Variants in ANO6 observed in about 807,000 individuals in gnomAD.
ANO6 encodes the protein anoctamin-6.
In ANO6, 106 loss-of-function variants were observed where a neutral mutation model predicts 117.5. That is an observed-to-expected ratio of 0.90 (90% CI 0.77 to 1.06). ANO6 has a LOEUF of 1.06. Among genes scored for constraint, ANO6 ranks in the 50% least tolerant of loss-of-function variants. ANO6 has a pLI of 0.00. For synonymous variants in ANO6, 367 were observed against 385.1 expected (o/e 0.95, Z 0.55); for missense variants, 955 against 1,121.1 (o/e 0.85, Z 2.12).
chr12:45,402,802 A>G (rs1037496739), intron 13 of ANO6, among the ~76,000 whole-genome samples: 6 of 152,224 alleles, frequency 3.9e-5, no homozygotes, highest in African/African-American at 1.4e-4. Flanking sequence ...CTGGACTTGT[A>G]AATTTTAAGG....
chr12:45,259,827 T>C (rs1592885796), intron 1 of ANO6, among the ~76,000 whole-genome samples: 2 of 152,230 alleles, frequency 1.3e-5, no homozygotes, highest in Non-Finnish European at 2.9e-5. Context: ...CAGGAAAGCA[T>C]GTACAGCAAC....
downstream of ANO6, among the ~76,000 whole-genome samples, chr12:45,433,845 G>C (rs1195088353): frequency 2.0e-5 from 3 of 152,174 alleles, no homozygotes; most frequent in Non-Finnish European, 4.4e-5. Flanking sequence ...GGAAATCCTA[G>C]AATAACCTGC....
chr12:45,218,099 G>T (rs1230457159), intron 1 of ANO6, among the ~76,000 whole-genome samples: 1 of 152,086 alleles, frequency 6.6e-6, no homozygotes, highest in Non-Finnish European at 1.5e-5. Context: ...GTTTTGTCCA[G>T]TCAAACAGTG....
intron 1 of ANO6, among the ~76,000 whole-genome samples, chr12:45,280,856 A>G (rs1262632413): frequency 1.7e-5 from 2 of 119,406 alleles, no homozygotes; most frequent in Non-Finnish European, 3.7e-5. Context: ...AAATTGTATC[A>G]TATATGTGTT....
chr12:45,419,117 A>G (rs1224785135), intron 17 of ANO6, among the ~76,000 whole-genome samples: 1 of 152,218 alleles, frequency 6.6e-6, no homozygotes, highest in Non-Finnish European at 1.5e-5. Context: ...AATAAGCTGA[A>G]TTGACATTGT....
At chr12:45,391,681 A>G (rs1403677336) in intron 12 of ANO6, among the ~76,000 whole-genome samples, 1 of 152,222 alleles carries the variant, frequency 6.6e-6, no homozygotes, top group African/African-American at 2.4e-5. Flanking sequence ...AGCCTGGCCA[A>G]CATGGCGAAA....
rs541545075 is a variant in ANO6, at chr12:45,283,609, C to G, written c.71-18405C>G. On this transcript the variant is annotated intron_variant, in intron 1 of 19. Coordinates refer to ENST00000320560, the MANE Select transcript of ANO6 (RefSeq NM_001025356.3). ...TTCCATGTAATAGCATCTATTTTTT[C>G]TACTCTGTCTACATAATGGGAGCTA... is the stretch of plus-strand genomic sequence containing the variant. 1.2e-4 allele frequency among the ~76,000 whole-genome samples: 19 copies of G among 152,250 alleles called. 1 individual carries two copies. In the East Asian group the frequency reaches 3.1e-3, roughly 25 times the overall value.
chr12:45,216,625 C>G (rs907025169), intron 1 of ANO6, among the ~76,000 whole-genome samples: 1 of 152,206 alleles, frequency 6.6e-6, no homozygotes, highest in Non-Finnish European at 1.5e-5. Context: ...AGGCTCCTGA[C>G]GGGCGGGGGA....
intron 2 of ANO6, among the ~76,000 whole-genome samples, chr12:45,329,017 C>T (rs780694011): frequency 3.3e-5 from 5 of 152,124 alleles, no homozygotes; most frequent in Admixed American, 6.6e-5. Context: ...AAATGACAAC[C>T]GTGTCAGGGG....
At chr12:45,285,677 C>T (rs1483930427) in intron 1 of ANO6, among the ~76,000 whole-genome samples, 2 of 150,282 alleles carry the variant, frequency 1.3e-5, no homozygotes, top group East Asian at 2.0e-4. Flanking sequence ...TGCAGTGAGC[C>T]GAGATCGCGC....
chr12:45,291,175 A>G (rs1004450430), intron 1 of ANO6, among the ~76,000 whole-genome samples: 1 of 152,112 alleles, frequency 6.6e-6, no homozygotes, highest in African/African-American at 2.4e-5. Flanking sequence ...AGCTAAATTC[A>G]TGAAGAAAAC....
At chr12:45,277,138 C>G (rs1003367312) in intron 1 of ANO6, among the ~76,000 whole-genome samples, 77 of 152,186 alleles carry the variant, frequency 5.1e-4, no homozygotes, top group African/African-American at 1.6e-3. Context: ...CTTCCCTTCT[C>G]TCACAAACTT....
intron 1 of ANO6, among the ~76,000 whole-genome samples, chr12:45,229,341 T>G (rs995371282): frequency 3.3e-5 from 5 of 152,024 alleles, no homozygotes; most frequent in African/African-American, 1.2e-4. Context: ...TCAGCCTCTT[T>G]TCTTATTCTT....
intron 1 of ANO6, among the ~76,000 whole-genome samples, chr12:45,241,533 A>G (rs1896022): frequency 5.7e-4 from 87 of 152,322 alleles, no homozygotes; most frequent in African/African-American, 2.0e-3. Flanking sequence ...TATTACCGAC[A>G]TTCTGAAGCC....
In ANO6 at chr12:45,401,865, C is replaced by T; in HGVS notation, c.1457C>T (p.Ala486Val). The T allele has an allele frequency of 6.2e-7, 1 of 1,613,830 alleles. No homozygotes were observed. The highest frequency in any genetic ancestry group is 2.2e-5 in the East Asian group (1 of 44,860). The stretch of plus-strand genomic sequence containing the variant: ...CTCTCGGTGTTCATTGTATTTTCTG[C>T]AAAACTTCCCAAGAACATTAATGGA... ...YRLSVFIVFS[A>V]KLPKNINGTD... The change falls in exon 13 of 20, where the codon GCA becomes GTA. Residue 486 changes from alanine (A) to valine (V), a missense_variant. Coordinates refer to ENST00000320560, the MANE Select transcript of ANO6 (RefSeq NM_001025356.3).
intron 9 of ANO6, 74 bp from the exon 10 acceptor site, chr12:45,377,973 AATAGAC>A (rs1942073201): frequency 7.4e-7 from 1 of 1,360,206 alleles, no homozygotes; most frequent in Non-Finnish European, 1.1e-6. Context: ...AAGACTGTAG[AATAGAC>A]AAAGCATTTC....
intron 1 of ANO6, chr12:45,292,828 C>T: frequency 1.3e-6 from 2 of 1,527,664 alleles, no homozygotes; most frequent in Non-Finnish European, 1.8e-6. Flanking sequence ...TGATAGAAAT[C>T]TTCAGAGTTG....
At chr12:45,420,964 G>A in intron 17 of ANO6, 107 bp from the exon 18 acceptor site, 6 of 1,196,620 alleles carry the variant, frequency 5.0e-6, no homozygotes, top group Non-Finnish European at 7.4e-6. Flanking sequence ...GGTGGAGGTT[G>A]CAGTGAGCCG....
intron 2 of ANO6, among the ~76,000 whole-genome samples, chr12:45,324,586 C>G (rs890687293): frequency 3.9e-5 from 6 of 152,032 alleles, no homozygotes; most frequent in African/African-American, 1.4e-4. Context: ...AGCTGAAAAG[C>G]TAAAAATAGC....
Sources: allele counts gnomAD v4.1 joint callset (sites outside exome capture counted in the v4.1 genomes callset), GRCh38; gene constraint gnomAD v4.1.1; transcripts MANE v1.5; gene names NCBI Gene and HGNC (gene_info 2026-07-23, HGNC 2026-07-21).